ZNF251: variants seen among roughly 807,000 people sequenced by gnomAD.
The protein encoded by ZNF251 is zinc finger protein 251.
In ZNF251, 14 loss-of-function variants were observed where a neutral mutation model predicts 13.5. That is an observed-to-expected ratio of 1.04 (90% confidence interval 0.69 to 1.63). The LOEUF (loss-of-function observed/expected upper bound fraction) is 1.63, where lower values mean the gene tolerates loss of function less well. ZNF251 is among the 40% of genes most tolerant of loss of function. The pLI is 0.00. For missense variants in ZNF251, 764 were observed against 834.9 expected, an observed-to-expected ratio of 0.92 and a Z score of 1.05; for synonymous variants, 287 against 295.2, an observed-to-expected ratio of 0.97 and a Z score of 0.28.
intron 4 of ZNF251, among the ~76,000 whole-genome samples, chr8:144,742,189 G>A (rs1824193302): frequency 6.6e-6 from 1 of 151,658 alleles, no homozygotes; most frequent in African/African-American, 2.4e-5. Flanking sequence ...TAAAATAGCA[G>A]CTTTAAAGTG....
rs557346658 is a variant in ZNF251, at chr8:144,743,335, G to A, written c.277+10348C>T. On this transcript the variant is annotated intron_variant, in intron 4 of 4. Coordinates refer to ENST00000292562, the MANE Select transcript of ZNF251 (RefSeq NM_138367.2). Reference sequence around the variant, plus strand: ...CGCCTTGGCCTCCCAAAGTGCTGGGGTTACAGGCATGAAGCACCGTGCCCG... The same window carrying A: ...CGCCTTGGCCTCCCAAAGTGCTGGGATTACAGGCATGAAGCACCGTGCCCG... 4.4e-4 allele frequency among the ~76,000 whole-genome samples: 67 copies of A among 152,222 alleles called. No homozygotes were observed. In the South Asian group the frequency reaches 0.012, roughly 28 times the overall value.
chr8:144,739,691 G>C (rs1824069978), intron 4 of ZNF251, among the ~76,000 whole-genome samples: 1 of 152,036 alleles, frequency 6.6e-6, no homozygotes, highest in Non-Finnish European at 1.5e-5. Context: ...TTGAGCCCAG[G>C]AGTTCAAAAC....
chr8:144,753,937 G>A, intron 3 of ZNF251, 141 bp from the exon 4 acceptor site: 1 of 777,954 alleles, frequency 1.3e-6, no homozygotes, highest in Non-Finnish European at 2.0e-6. Context: ...ACTAAGTACT[G>A]AAGGAGAATC....
intron 3 of ZNF251, 40 bp from the exon 4 acceptor site, chr8:144,753,836 C>G: frequency 6.8e-7 from 1 of 1,476,590 alleles, no homozygotes; most frequent in South Asian, 1.2e-5. Flanking sequence ...GCATGGCCCA[C>G]TGGGCCTTCC....
rs140204452 is a variant in ZNF251 at position 144,738,715 on chromosome 8, G to A, written c.277+14968C>T. 16 of 985,308 alleles carry A rather than the reference G, an allele frequency of 1.6e-5. No individual in the cohort carries two copies. In the East Asian group the frequency reaches 1.8e-3, roughly 112 times the overall value. 61.0% of individuals were successfully genotyped at this position (985,308 alleles called of 1,614,324 possible). A position where few individuals can be genotyped will look rare whatever the true frequency, so the allele number is the denominator to read the frequency against. On this transcript the variant is annotated intron_variant, in intron 4 of 4. Transcript: ENST00000292562. Reference sequence around the variant, plus strand: ...CAACCTCGTGGGGGCACCTGTTTGTGGAAACAGGATGGTTTTCTTGTTCAA... The same window carrying A: ...CAACCTCGTGGGGGCACCTGTTTGTAGAAACAGGATGGTTTTCTTGTTCAA...
chr8:144,741,353 CACACACTCAT>C (rs1382593495), intron 4 of ZNF251, among the ~76,000 whole-genome samples: 1 of 152,186 alleles, frequency 6.6e-6, no homozygotes, highest in Non-Finnish European at 1.5e-5. Flanking sequence ...CAGATGTACA[CACACACTCAT>C]ACACACACTC....
At position 144,755,395 on chromosome 8, in the gene ZNF251, A is replaced by G. The variant is rs953596362; in HGVS notation, c.-76+10T>C. On this transcript the variant is annotated intron_variant, in intron 1 of 4. Transcript: ENST00000292562. ...GCTTGGCGCTCCTTCCTGGTCCGAC[A>G]CTGCCCCACCTGTTTGCTCGACCCG... is the stretch of plus-strand genomic sequence containing the variant. 2 of 1,288,092 alleles carry G rather than the reference A, an allele frequency of 1.6e-6. No individual in the cohort carries two copies. Among genetic ancestry groups the G allele is most frequent in the East Asian group, 5.6e-5 (1 of 17,954 alleles). The allele number at this position is 1,288,092 out of a possible 1,614,324, so 79.8% of individuals were successfully genotyped here.
At chr8:144,752,021 C>T (rs1419436680) in intron 4 of ZNF251, among the ~76,000 whole-genome samples, 2 of 151,584 alleles carry the variant, frequency 1.3e-5, no homozygotes, top group South Asian at 2.1e-4. Context: ...TATAATACAG[C>T]TTCAAGATAC....
At chr8:144,753,625 GC>G in intron 4 of ZNF251, 57 bp downstream of exon 4, 1 of 1,407,822 alleles carries the variant, frequency 7.1e-7, no homozygotes, top group Non-Finnish European at 9.8e-7. Context: ...CTCGCTTGGA[GC>G]CTCTTAAGGC....
chr8:144,740,217 G>A (rs925410328), intron 4 of ZNF251, among the ~76,000 whole-genome samples: 2 of 151,760 alleles, frequency 1.3e-5, no homozygotes, highest in Non-Finnish European at 2.9e-5. Flanking sequence ...CCCGGGAGGT[G>A]GAGGTTGCTG....
intron 4 of ZNF251, among the ~76,000 whole-genome samples, chr8:144,743,217 C>T (rs1330151756): frequency 6.6e-6 from 1 of 152,184 alleles, no homozygotes; most frequent in Non-Finnish European, 1.5e-5. Context: ...GCACCAACCA[C>T]CATGCCTGGC....
At chr8:144,738,673 A>G (rs1361821422) in intron 4 of ZNF251, 4 of 985,336 alleles carry the variant, frequency 4.1e-6, no homozygotes, top group Non-Finnish European at 4.8e-6. Flanking sequence ...GAAACAGCAC[A>G]GTTCTCTCGT....
At chr8:144,752,250 T>G (rs1824734598) in intron 4 of ZNF251, among the ~76,000 whole-genome samples, 1 of 152,270 alleles carries the variant, frequency 6.6e-6, no homozygotes, top group African/African-American at 2.4e-5. Flanking sequence ...TACACATTCT[T>G]TTTCAGTGCA....
In ZNF251 at chr8:144,732,628, C is replaced by T. The variant is rs184498913; in HGVS notation, c.278-9246G>A. On this transcript the variant is annotated intron_variant, in intron 4 of 4. Coordinates refer to ENST00000292562, the MANE Select transcript of ZNF251 (RefSeq NM_138367.2). ...GAGATGGAGACCATCCTGGCCAACA[C>T]GGTGAAACCCCGTCTCTACTAAAAA... 7.7e-3 allele frequency among the ~76,000 whole-genome samples: 1,167 copies of T among 151,458 alleles called. 7 individuals carry two copies. The highest frequency in any genetic ancestry group is 0.016 in the South Asian group (74 of 4,766).
At chr8:144,748,469 T>C (rs541829995) in intron 4 of ZNF251, among the ~76,000 whole-genome samples, 1 of 152,344 alleles carries the variant, frequency 6.6e-6, no homozygotes, top group East Asian at 1.9e-4. Context: ...TTCTTTGGAT[T>C]ACTATCTTTC....
At chr8:144,749,389 G>C (rs539005347) in intron 4 of ZNF251, among the ~76,000 whole-genome samples, 10 of 152,272 alleles carry the variant, frequency 6.6e-5, no homozygotes, top group African/African-American at 2.4e-4. Flanking sequence ...GGAGGCTGTG[G>C]TGGGAGGATC....
At chr8:144,745,188 CTT>C (rs746070716) in intron 4 of ZNF251, among the ~76,000 whole-genome samples, 480 of 114,582 alleles carry the variant, frequency 4.2e-3, no homozygotes, top group African/African-American at 0.014. Flanking sequence ...TGTCTAGATT[CTT>C]TTTTTTTTTT....
At chr8:144,754,922 A>C in intron 1 of ZNF251, 119 bp from the exon 2 acceptor site, 1 of 1,431,026 alleles carries the variant, frequency 7.0e-7, no homozygotes, top group South Asian at 1.5e-5. Context: ...GTCACTATGC[A>C]GCACGGGCCG....
chr8:144,729,418 G>A (rs1266503574), intron 4 of ZNF251, among the ~76,000 whole-genome samples: 4 of 149,894 alleles, frequency 2.7e-5, no homozygotes, highest in African/African-American at 7.3e-5. Context: ...CTCACTGCAA[G>A]CTCCGCCTCC....
Sources: gnomAD v4.1 joint callset for allele counts (sites outside exome capture counted in the v4.1 genomes callset) on GRCh38, gnomAD v4.1.1 for gene constraint, MANE v1.5 for transcripts, NCBI Gene and HGNC (gene_info 2026-07-23, HGNC 2026-07-21) for gene names.